Variants in PCSK5 observed in about 807,000 individuals in gnomAD.
The protein encoded by PCSK5 is prohormone convertase 5.
Under a neutral mutation model 233.2 loss-of-function variants are expected in PCSK5, and 129 were observed. That is an observed-to-expected ratio of 0.55 (90% confidence interval 0.48 to 0.64). PCSK5 has a LOEUF of 0.64. PCSK5 is among the 30% of genes least tolerant of loss of function. PCSK5 has a pLI of 0.00. For missense variants in PCSK5, 2,076 were observed against 2,430.1 expected (o/e 0.85, Z 3.06); for synonymous variants, 825 against 879.2 (o/e 0.94, Z 1.09).
chr9:76,193,380 G>A (rs776567745), intron 20 of PCSK5: 3 of 1,527,632 alleles, frequency 2.0e-6, no homozygotes, highest in Non-Finnish European at 2.7e-6. Flanking sequence ...CTTTGTTCCT[G>A]TAGACTTATA....
intron 10 of PCSK5, among the ~76,000 whole-genome samples, chr9:76,151,779 T>C (rs546942657): frequency 6.6e-6 from 1 of 152,362 alleles, no homozygotes; most frequent in South Asian, 2.1e-4. Flanking sequence ...GATGTCCTTT[T>C]ATACTTACAG....
At chr9:76,349,023 G>A (rs1001777748) in intron 35 of PCSK5, among the ~76,000 whole-genome samples, 2 of 152,106 alleles carry the variant, frequency 1.3e-5, no homozygotes, top group African/African-American at 4.8e-5. Flanking sequence ...TGTAATCCCA[G>A]CACTTTGGGA....
intron 23 of PCSK5, among the ~76,000 whole-genome samples, 173 bp from the exon 24 acceptor site, chr9:76,240,443 T>C (rs963441346): frequency 6.6e-6 from 1 of 152,230 alleles, no homozygotes; most frequent in Non-Finnish European, 1.5e-5. Flanking sequence ...ATTCAATTAA[T>C]AGAAGGAGAT....
At chr9:76,054,093 A>G (rs1829734715) in intron 5 of PCSK5, among the ~76,000 whole-genome samples, 2 of 152,114 alleles carry the variant, frequency 1.3e-5, no homozygotes. Context: ...TGCCCTTTAT[A>G]AAACCATCAG....
chr9:76,215,564 T>G (rs1825492594), intron 20 of PCSK5, among the ~76,000 whole-genome samples: 1 of 152,092 alleles, frequency 6.6e-6, no homozygotes, highest in Admixed American at 6.6e-5. Flanking sequence ...CTTAACTAAT[T>G]CAGGAAGGTG....
At position 76,161,767 on chromosome 9, in the gene PCSK5, C is replaced by G. The variant is rs537598352; in HGVS notation, c.1619+2596C>G. Among the ~76,000 whole-genome samples, 428 of 152,290 alleles carry G rather than the reference C, an allele frequency of 2.8e-3. 1 individual carries two copies. Among genetic ancestry groups the G allele is most frequent in the Middle Eastern group, 6.8e-3 (2 of 294 alleles). On this transcript the variant is annotated intron_variant, in intron 12 of 37. Coordinates refer to ENST00000674117, the MANE Select transcript of PCSK5 (RefSeq NM_001372043.1). ...ATTGCAGTGTTGCTGGCTTCAGGCT[C>G]GCATGCATTCTTCAACAGCCAACAT...
chr9:76,261,193 G>C (rs1827162796), intron 24 of PCSK5, among the ~76,000 whole-genome samples: 1 of 152,176 alleles, frequency 6.6e-6, no homozygotes, highest in South Asian at 2.1e-4. Context: ...CTTAAGAAAG[G>C]CACATGACCC....
intron 17 of PCSK5, among the ~76,000 whole-genome samples, chr9:76,186,333 AT>A (rs993454519): frequency 1.3e-5 from 2 of 152,256 alleles, no homozygotes; most frequent in African/African-American, 4.8e-5. Context: ...ACGTACCCAA[AT>A]TTTTGCCAGT....
chr9:75,956,951 A>G (rs371734638), intron 2 of PCSK5, among the ~76,000 whole-genome samples: 7 of 152,290 alleles, frequency 4.6e-5, no homozygotes, highest in East Asian at 3.9e-4. Flanking sequence ...CAGATTTGCA[A>G]TTTGGCAGAA....
intron 3 of PCSK5, among the ~76,000 whole-genome samples, chr9:75,989,383 A>G (rs1385743923): frequency 6.6e-6 from 1 of 152,118 alleles, no homozygotes; most frequent in Non-Finnish European, 1.5e-5. Flanking sequence ...GGTCCCAGCT[A>G]CTTGGGAGGC....
chr9:76,109,476 G>A (rs983006461), intron 9 of PCSK5, among the ~76,000 whole-genome samples: 2 of 148,626 alleles, frequency 1.3e-5, no homozygotes, highest in African/African-American at 4.9e-5. Flanking sequence ...GATTTAAGCT[G>A]AAATGCAAAA....
chr9:75,931,014 G>C (rs1297504424), intron 1 of PCSK5, among the ~76,000 whole-genome samples: 1 of 152,146 alleles, frequency 6.6e-6, no homozygotes, highest in East Asian at 1.9e-4. Context: ...CTTGTTTTCA[G>C]AGTGCAGGAT....
chr9:75,995,246 C>T (rs1826961355), intron 3 of PCSK5, among the ~76,000 whole-genome samples: 1 of 152,146 alleles, frequency 6.6e-6, no homozygotes, highest in Non-Finnish European at 1.5e-5. Context: ...GATAACTATC[C>T]TTCCCATTAG....
intron 2 of PCSK5, among the ~76,000 whole-genome samples, chr9:75,958,429 A>C (rs1260820950): frequency 6.6e-6 from 1 of 152,192 alleles, no homozygotes; most frequent in Admixed American, 6.5e-5. Context: ...GATTTACACA[A>C]CCTGACTATA....
intron 35 of PCSK5, among the ~76,000 whole-genome samples, chr9:76,346,693 C>T (rs939414633): frequency 1.3e-5 from 2 of 152,034 alleles, no homozygotes; most frequent in African/African-American, 4.8e-5. Flanking sequence ...GGTTTTGCAA[C>T]ATACAGATAC....
intron 9 of PCSK5, among the ~76,000 whole-genome samples, chr9:76,124,745 CAAAAAAAAAAA>C (rs58659276): frequency 2.0e-4 from 18 of 92,132 alleles, no homozygotes; most frequent in East Asian, 6.7e-4. Context: ...GACTCCATCT[CAAAAAAAAAAA>C]AAAAAAAAAA....
rs543705738 is a variant in PCSK5, at chr9:75,918,024, G to A, written c.193-14355G>A. The stretch of plus-strand genomic sequence containing the variant: ...TTTTACTGGTTATGAGGTGAACTGA[G>A]TTTTCCTCAAGATAGTTTCTCATAG... On this transcript the variant is annotated intron_variant, in intron 1 of 37. Coordinates refer to ENST00000674117, the MANE Select transcript of PCSK5 (RefSeq NM_001372043.1). Among the ~76,000 whole-genome samples, 7 of 152,236 alleles carry A rather than the reference G, an allele frequency of 4.6e-5. No individual in the cohort carries two copies. In the South Asian group the frequency reaches 1.5e-3, roughly 32 times the overall value.
At chr9:76,151,738 C>T (rs1172702904) in intron 10 of PCSK5, among the ~76,000 whole-genome samples, 1 of 152,142 alleles carries the variant, frequency 6.6e-6, no homozygotes, top group Non-Finnish European at 1.5e-5. Context: ...TGCTTGATAG[C>T]CCTTGTATTT....
At chr9:76,277,620 T>C (rs1827734551) in intron 24 of PCSK5, among the ~76,000 whole-genome samples, 1 of 152,218 alleles carries the variant, frequency 6.6e-6, no homozygotes. Flanking sequence ...GATTCAAACA[T>C]TTATTCATTA....
Sources: allele counts gnomAD v4.1 joint callset (sites outside exome capture counted in the v4.1 genomes callset), GRCh38; gene constraint gnomAD v4.1.1; transcripts MANE v1.5; gene names NCBI Gene and HGNC (gene_info 2026-07-23, HGNC 2026-07-21).